L3MBTL4: variants seen among roughly 807,000 people sequenced by gnomAD.
L3MBTL4 encodes L3MBTL histone methyl-lysine binding protein 4, also known as lethal(3)malignant brain tumor-like protein 4.
L3MBTL4 carries 70 observed loss-of-function variants against 84.5 expected under a neutral mutation model. The observed-to-expected ratio is 0.83, with a 90% confidence interval of 0.68 to 1.01. L3MBTL4 has a LOEUF of 1.01. Among genes scored for constraint, L3MBTL4 ranks in the 50% least tolerant of loss-of-function variants. The pLI is 0.00. For synonymous variants in L3MBTL4, 274 were observed against 259.8 expected, an observed-to-expected ratio of 1.05 and a Z score of -0.52; for missense variants, 715 against 754.8, an observed-to-expected ratio of 0.95 and a Z score of 0.62.
chr18:6,342,535 T>C (rs370849017), intron 1 of L3MBTL4, among the ~76,000 whole-genome samples: 9 of 152,250 alleles, frequency 5.9e-5, no homozygotes, highest in African/African-American at 1.7e-4. Context: ...GTAAGTGTTT[T>C]ATGTGAGCCT....
At position 6,329,028 on chromosome 18, in the gene L3MBTL4, C is replaced by A. The variant is rs1037803304; in HGVS notation, c.-90-16972G>T. 3.3e-5 allele frequency among the ~76,000 whole-genome samples: 5 copies of A among 152,278 alleles called. No homozygotes were observed. The East Asian group carries it at 9.6e-4, about 29-fold the overall frequency. ...GAACACATGTAACTAGCTTCCAAAT[C>A]AAGAAACAGAACATGTGAATGTGTA... On this transcript the variant is annotated intron_variant, in intron 1 of 18. Transcript: ENST00000317931.
chr18:6,167,217 G>C (rs1227102671), intron 13 of L3MBTL4, among the ~76,000 whole-genome samples: 2 of 152,184 alleles, frequency 1.3e-5, no homozygotes, highest in East Asian at 3.8e-4. Context: ...TCCAGGACAA[G>C]ATGGATTCAC....
chr18:6,269,499 A>G (rs1163858442), intron 4 of L3MBTL4, among the ~76,000 whole-genome samples: 4 of 152,158 alleles, frequency 2.6e-5, no homozygotes. Context: ...TTTGAAAGTC[A>G]TGTCGACAAT....
At chr18:6,402,299 C>G (rs552707039) in intron 1 of L3MBTL4, among the ~76,000 whole-genome samples, 2 of 152,228 alleles carry the variant, frequency 1.3e-5, no homozygotes, top group South Asian at 4.1e-4. Flanking sequence ...GAAATGATTC[C>G]TGTATTGGCC....
At chr18:6,115,098 G>A (rs1354576584) in intron 14 of L3MBTL4, among the ~76,000 whole-genome samples, 1 of 152,204 alleles carries the variant, frequency 6.6e-6, no homozygotes, top group African/African-American at 2.4e-5. Context: ...CATTTTGAAG[G>A]AGATGGCGTG....
chr18:6,099,829 A>C (rs750529607), intron 14 of L3MBTL4, among the ~76,000 whole-genome samples: 1 of 151,866 alleles, frequency 6.6e-6, no homozygotes, highest in African/African-American at 2.4e-5. Flanking sequence ...ATAAGAGTCA[A>C]AATAAATCTA....
At chr18:6,142,220 T>G (rs1249612286) in intron 13 of L3MBTL4, among the ~76,000 whole-genome samples, 1 of 152,264 alleles carries the variant, frequency 6.6e-6, no homozygotes, top group Non-Finnish European at 1.5e-5. Context: ...ATGAGTCTAG[T>G]TCACCACTGT....
intron 16 of L3MBTL4, among the ~76,000 whole-genome samples, chr18:6,065,630 T>C (rs1337020468): frequency 1.3e-5 from 2 of 152,096 alleles, no homozygotes; most frequent in African/African-American, 4.8e-5. Context: ...TTCTAGTTTG[T>C]GTGCATAAAA....
At chr18:5,973,748 G>A (rs937437949) in intron 16 of L3MBTL4, among the ~76,000 whole-genome samples, 1 of 152,108 alleles carries the variant, frequency 6.6e-6, no homozygotes, top group African/African-American at 2.4e-5. Context: ...CAATGACAGG[G>A]CAGAAGGGTC....
intron 16 of L3MBTL4, among the ~76,000 whole-genome samples, chr18:6,026,259 G>T (rs2055500758): frequency 6.6e-6 from 1 of 152,194 alleles, no homozygotes; most frequent in African/African-American, 2.4e-5. Context: ...AGAATTTAAA[G>T]AAAATTAGGT....
chr18:6,059,187 G>C (rs904991355), intron 16 of L3MBTL4, among the ~76,000 whole-genome samples: 1 of 152,208 alleles, frequency 6.6e-6, no homozygotes, highest in African/African-American at 2.4e-5. Context: ...GGATGTGTCA[G>C]AGACAGACTC....
intron 10 of L3MBTL4, among the ~76,000 whole-genome samples, chr18:6,218,585 GAAA>G (rs1599198278): frequency 6.6e-6 from 1 of 151,988 alleles, no homozygotes; most frequent in East Asian, 1.9e-4. Context: ...CCCTTTTTGT[GAAA>G]AACAGGTGAA....
At chr18:6,360,324 CTG>C (rs2143989967) in intron 1 of L3MBTL4, among the ~76,000 whole-genome samples, 1 of 152,246 alleles carries the variant, frequency 6.6e-6, no homozygotes, top group East Asian at 1.9e-4. Context: ...TGAGCTATGA[CTG>C]TGTCACTGCA....
At chr18:6,336,539 G>A (rs893032666) in intron 1 of L3MBTL4, among the ~76,000 whole-genome samples, 23 of 152,164 alleles carry the variant, frequency 1.5e-4, no homozygotes, top group Non-Finnish European at 3.1e-4. Context: ...ACAAGGAGAA[G>A]AGGTGAACAC....
intron 1 of L3MBTL4, among the ~76,000 whole-genome samples, chr18:6,342,587 A>G (rs2052660935): frequency 6.6e-6 from 1 of 152,160 alleles, no homozygotes; most frequent in Non-Finnish European, 1.5e-5. Flanking sequence ...GGTATTTAAA[A>G]GAGAAAGATA....
At chr18:6,374,960 G>A (rs1245481607) in intron 1 of L3MBTL4, among the ~76,000 whole-genome samples, 1 of 152,070 alleles carries the variant, frequency 6.6e-6, no homozygotes, top group Non-Finnish European at 1.5e-5. Context: ...ATTCGATAAA[G>A]CCTTCATATT....
At chr18:6,390,034 G>A (rs1384932614) in intron 1 of L3MBTL4, among the ~76,000 whole-genome samples, 1 of 152,034 alleles carries the variant, frequency 6.6e-6, no homozygotes, top group Non-Finnish European at 1.5e-5. Flanking sequence ...CTCCAAGACA[G>A]ACCATATGAT....
At chr18:6,408,602 G>T (rs1177991370) in intron 1 of L3MBTL4, among the ~76,000 whole-genome samples, 1 of 151,976 alleles carries the variant, frequency 6.6e-6, no homozygotes, top group Non-Finnish European at 1.5e-5. Context: ...ACTCTCTACT[G>T]CCTCCAAAGC....
chr18:6,221,492 T>C (rs2145887562), intron 10 of L3MBTL4, among the ~76,000 whole-genome samples: 1 of 150,120 alleles, frequency 6.7e-6, no homozygotes, highest in Admixed American at 6.6e-5. Context: ...AACTCAATTC[T>C]ACTGATGAGG....
Sources: gnomAD v4.1 joint callset for allele counts (sites outside exome capture counted in the v4.1 genomes callset) on GRCh38, gnomAD v4.1.1 for gene constraint, MANE v1.5 for transcripts, NCBI Gene and HGNC (gene_info 2026-07-23, HGNC 2026-07-21) for gene names.